Variants in UBE3D observed in about 807,000 individuals in gnomAD.
UBE3D encodes E3 ubiquitin-protein ligase E3D.
Under a neutral mutation model 49.6 loss-of-function variants are expected in UBE3D, and 48 were observed. The ratio of observed to expected loss-of-function variants is 0.97; its 90% confidence interval spans 0.77 to 1.23. The LOEUF is 1.23. Ranked by LOEUF, UBE3D falls within the 50% of genes most tolerant of loss-of-function variation. The probability of loss-of-function intolerance (pLI) is 0.00; values close to 1 mark genes in which losing one functional copy is unlikely to be tolerated. For missense variants in UBE3D, 452 were observed against 468.4 expected (o/e 0.96, Z 0.32); for synonymous variants, 189 against 174.2 (o/e 1.08, Z -0.67).
chr6:82,930,183 T>C (rs979533309), intron 9 of UBE3D, among the ~76,000 whole-genome samples: 2 of 152,178 alleles, frequency 1.3e-5, no homozygotes, highest in Non-Finnish European at 2.9e-5. Flanking sequence ...GCTGCCACCA[T>C]GTGAAGAAGC....
chr6:82,956,274 C>T (rs541337006), intron 9 of UBE3D, among the ~76,000 whole-genome samples: 11 of 152,280 alleles, frequency 7.2e-5, no homozygotes, highest in African/African-American at 2.6e-4. Flanking sequence ...TCCGAGGGCT[C>T]GTATTTTCCC....
downstream of UBE3D, among the ~76,000 whole-genome samples, chr6:82,888,368 T>C (rs547704891): frequency 2.0e-5 from 3 of 152,070 alleles, no homozygotes; most frequent in East Asian, 5.8e-4. Flanking sequence ...GCATACAAAT[T>C]ATGACAATAA....
In UBE3D at chr6:83,019,046, T is replaced by A. The variant is rs1172519567; in HGVS notation, c.937A>T (p.Lys313Ter). 6.2e-7 allele frequency: 1 copy of A among 1,613,882 alleles called. No individual in the cohort carries two copies. The highest frequency in any genetic ancestry group is 1.3e-5 in the African/African-American group (1 of 74,934). Residue 313 changes from lysine (K) to a stop codon, truncating the protein, a stop_gained, in exon 8 of 10, where the codon AAA becomes TAA. Coordinates refer to ENST00000369747, the MANE Select transcript of UBE3D (RefSeq NM_198920.3). LOFTEE classifies it high-confidence loss of function. ...CTCCAGGCAGAACTAGAATCGGCTT[T>A]GAATGTGTTTTCCAACAAGGGGAAT... Reference protein sequence around the residue: ...KKFPLLENTFKADSSSAWSAV... With the variant: ...KKFPLLENTF
Position 83,044,520 on chromosome 6 carries a change from A to G in UBE3D, c.505T>C (p.Leu169=). 1.2e-6 allele frequency: 2 copies of G among 1,614,186 alleles called. No homozygotes were observed. Among genetic ancestry groups the G allele is most frequent in the Middle Eastern group, 1.6e-4 (1 of 6,062 alleles). Reference sequence around the variant, plus strand: ...CACAAACTGGTTCTTAAATTCACCAAGAAGAAAGAGTCTCCAATAAAACAG... The same window carrying G: ...CACAAACTGGTTCTTAAATTCACCAGGAAGAAAGAGTCTCCAATAAAACAG... ...NDCFIGDSFF[L]VNLRTSLWQQ... is the part of the protein sequence containing the mutation. Residue 169 remains leucine, a synonymous_variant, in exon 4 of 10, where the codon TTG becomes CTG. Transcript: ENST00000369747.
intron 8 of UBE3D, chr6:83,017,394 C>T (rs1455708834): frequency 6.6e-6 from 1 of 151,920 alleles, no homozygotes; most frequent in Non-Finnish European, 1.5e-5. Flanking sequence ...TAAAGATACA[C>T]ACAAACACAT....
At chr6:82,982,553 C>A (rs544089858) in intron 8 of UBE3D, among the ~76,000 whole-genome samples, 1 of 152,270 alleles carries the variant, frequency 6.6e-6, no homozygotes, top group Non-Finnish European at 1.5e-5. Flanking sequence ...CCAGTTGCAA[C>A]ATTATAGCAT....
intron 9 of UBE3D, among the ~76,000 whole-genome samples, chr6:82,897,748 A>C (rs1333798890): frequency 6.6e-6 from 1 of 150,394 alleles, no homozygotes; most frequent in Non-Finnish European, 1.5e-5. Context: ...GTCTTAAAAT[A>C]ATACTGGGAT....
At chr6:82,937,112 C>T (rs1315102065) in intron 9 of UBE3D, among the ~76,000 whole-genome samples, 1 of 152,142 alleles carries the variant, frequency 6.6e-6, no homozygotes, top group African/African-American at 2.4e-5. Context: ...GTTTCCCATG[C>T]TTCCTTTGGC....
intron 1 of UBE3D, among the ~76,000 whole-genome samples, chr6:83,062,204 T>G (rs1364756758): frequency 6.6e-6 from 1 of 152,196 alleles, no homozygotes; most frequent in African/African-American, 2.4e-5. Context: ...CACTTAGAAT[T>G]TGAATTTTTG....
intron 9 of UBE3D, 145 bp downstream of exon 9, chr6:82,957,163 CAGAT>C (rs776244763): frequency 1.5e-5 from 12 of 794,228 alleles, no homozygotes; most frequent in African/African-American, 3.5e-5. Context: ...AAACAAAAAA[CAGAT>C]AGACAAAGCA....
rs1216569929 is a variant in UBE3D at position 82,933,384 on chromosome 6, T to C, written c.1149+23928A>G. Among the ~76,000 whole-genome samples the C allele has an allele frequency of 2.0e-5, 3 of 152,248 alleles. No individual in the cohort carries two copies. In the South Asian group the frequency reaches 6.2e-4, roughly 31 times the overall value. ...GTCATGAAAAACAATTTCATTTTCATTGCATGCAACTCTAAAAGTAAATAC... is the reference window on the plus strand; with the variant it reads ...GTCATGAAAAACAATTTCATTTTCACTGCATGCAACTCTAAAAGTAAATAC... On this transcript the variant is annotated intron_variant, in intron 9 of 9. Transcript: ENST00000369747.
intron 8 of UBE3D, among the ~76,000 whole-genome samples, chr6:82,970,714 C>T (rs1777290153): frequency 6.6e-6 from 1 of 152,124 alleles, no homozygotes; most frequent in East Asian, 1.9e-4. Flanking sequence ...TGGCAGGCAT[C>T]TGTAGTCCCA....
chr6:82,999,805 C>T (rs1256710521), intron 8 of UBE3D, among the ~76,000 whole-genome samples: 2 of 152,158 alleles, frequency 1.3e-5, no homozygotes, highest in East Asian at 3.9e-4. Flanking sequence ...AACAGTGGTC[C>T]ACACTTACTG....
At chr6:83,051,145 T>A (rs1783442772) in intron 3 of UBE3D, among the ~76,000 whole-genome samples, 1 of 152,212 alleles carries the variant, frequency 6.6e-6, no homozygotes, top group African/African-American at 2.4e-5. Flanking sequence ...ATATGTTACA[T>A]CCTTTAACTC....
intron 8 of UBE3D, among the ~76,000 whole-genome samples, chr6:83,002,041 C>T (rs1392857057): frequency 2.0e-5 from 3 of 152,084 alleles, no homozygotes; most frequent in Admixed American, 6.6e-5. Flanking sequence ...GTCTGACCCC[C>T]ACCCCACCTT....
intron 9 of UBE3D, among the ~76,000 whole-genome samples, chr6:82,937,242 G>C (rs1312882033): frequency 2.0e-5 from 3 of 152,118 alleles, no homozygotes; most frequent in Non-Finnish European, 2.9e-5. Flanking sequence ...ATGGAGGCTT[G>C]AGAACAGTTT....
At chr6:82,909,115 C>A (rs1177113519) in intron 9 of UBE3D, among the ~76,000 whole-genome samples, 1 of 152,178 alleles carries the variant, frequency 6.6e-6, no homozygotes, top group African/African-American at 2.4e-5. Context: ...GTCACAGTAA[C>A]AAACTGGCAA....
the UBE3D span, among the ~76,000 whole-genome samples, chr6:82,887,026 C>T: frequency 6.6e-6 from 1 of 152,024 alleles, no homozygotes; most frequent in Non-Finnish European, 1.5e-5. Context: ...GTATTTGGGC[C>T]TAGTGCAGTG....
chr6:82,904,198 A>G (rs557596199), intron 9 of UBE3D, among the ~76,000 whole-genome samples: 1 of 152,304 alleles, frequency 6.6e-6, no homozygotes, highest in East Asian at 1.9e-4. Context: ...TTTAAGTGAA[A>G]TGAAGCATAA....
Sources: gnomAD v4.1 joint callset for allele counts (sites outside exome capture counted in the v4.1 genomes callset) on GRCh38, gnomAD v4.1.1 for gene constraint, MANE v1.5 for transcripts, NCBI Gene and HGNC (gene_info 2026-07-23, HGNC 2026-07-21) for gene names.